The following NOTCH2 variants were observed in gnomAD, a reference collection of about 807,000 sequenced individuals.
The protein encoded by NOTCH2 is neurogenic locus notch homolog protein 2.
NOTCH2 carries 29 observed loss-of-function variants against 235.8 expected under a neutral mutation model. That is an observed-to-expected ratio of 0.12 (90% CI 0.09 to 0.17). The LOEUF (loss-of-function observed/expected upper bound fraction) is 0.17, where lower values mean the gene tolerates loss of function less well. Ranked by LOEUF, NOTCH2 falls within the 10% of genes least tolerant of loss-of-function variation. The probability of loss-of-function intolerance (pLI) is 1.00; values close to 1 mark genes in which losing one functional copy is unlikely to be tolerated. For synonymous variants in NOTCH2, 1,086 were observed against 1,141.5 expected (o/e 0.95, Z 0.98); for missense variants, 2,285 against 3,150.2 (o/e 0.73, Z 6.57).
chr1:119,986,924 T>C (rs782502820), intron 5 of NOTCH2, 36 bp downstream of exon 5: 3 of 1,613,110 alleles, frequency 1.9e-6, no homozygotes, highest in Non-Finnish European at 2.5e-6. Context: ...TACCAATCCA[T>C]ATCCCATTCT....
At chr1:119,985,136 T>G (rs915773386) in intron 5 of NOTCH2, among the ~76,000 whole-genome samples, 6 of 152,070 alleles carry the variant, frequency 3.9e-5, no homozygotes, top group African/African-American at 1.2e-4. Flanking sequence ...AGGCTTCATA[T>G]AACAGAAGAA....
chr1:119,973,270 G>A (rs1264586053), intron 5 of NOTCH2, among the ~76,000 whole-genome samples: 1 of 152,040 alleles, frequency 6.6e-6, no homozygotes, highest in African/African-American at 2.4e-5. Context: ...TCTATCAACT[G>A]GTTCTAAAAT....
chr1:119,999,956 A>C (rs1233676835), intron 3 of NOTCH2, among the ~76,000 whole-genome samples: 1 of 134,522 alleles, frequency 7.4e-6, no homozygotes, highest in Non-Finnish European at 1.5e-5. Context: ...AGAAAGAAAG[A>C]AAGAAAGAAA....
intron 3 of NOTCH2, among the ~76,000 whole-genome samples, chr1:120,001,514 G>A (rs1436408734): frequency 6.6e-6 from 1 of 152,146 alleles, no homozygotes; most frequent in Admixed American, 6.5e-5. Context: ...AAGCTGACCT[G>A]GCTACTGCCA....
intron 13 of NOTCH2, 96 bp from the exon 14 acceptor site, chr1:119,953,784 G>T: frequency 9.4e-7 from 1 of 1,062,778 alleles, no homozygotes; most frequent in African/African-American, 1.6e-5. Flanking sequence ...GGGGTAAACT[G>T]ATCTCATTTC....
chr1:119,997,973 CAA>C (rs4020948), intron 3 of NOTCH2, among the ~76,000 whole-genome samples: 2,498 of 116,784 alleles, frequency 0.021, no homozygotes, highest in East Asian at 0.12. Flanking sequence ...GACTCTATTT[CAA>C]AAAAAAAAAA....
At chr1:119,948,309 T>C (rs896663629) in intron 17 of NOTCH2, 105 bp downstream of exon 17, 33 of 1,176,398 alleles carry the variant, frequency 2.8e-5, no homozygotes, top group Non-Finnish European at 3.6e-5. Context: ...ATGACCGGTA[T>C]GCCCAATGTC....
chr1:119,965,253 A>G, intron 10 of NOTCH2, among the ~76,000 whole-genome samples, 200 bp downstream of exon 10: 1 of 152,256 alleles, frequency 6.6e-6, no homozygotes, highest in African/African-American at 2.4e-5. Flanking sequence ...TATCTGGGCC[A>G]GACCACTGTT....
At chr1:119,929,473 G>A (rs1159723529) in intron 22 of NOTCH2, among the ~76,000 whole-genome samples, 1 of 152,174 alleles carries the variant, frequency 6.6e-6, no homozygotes, top group Non-Finnish European at 1.5e-5. Context: ...AGCACCCTAT[G>A]GTGTAGGTCC....
intron 1 of NOTCH2, among the ~76,000 whole-genome samples, chr1:120,063,572 T>C (rs587739572): frequency 6.6e-6 from 1 of 152,206 alleles, no homozygotes; most frequent in East Asian, 1.9e-4. Flanking sequence ...ACTAACCTTA[T>C]ACCATAGCAG....
At position 119,940,621 on chromosome 1, in the gene NOTCH2, C is replaced by A. The variant is rs36084504; in HGVS notation, c.3117G>T (p.Thr1039=). The change falls in exon 19 of 34, where the codon ACG becomes ACT. Residue 1039 remains threonine (T), a synonymous_variant. Transcript: ENST00000256646. ...GGTAGGTACCCAGGCCATCAACACA[C>A]GTTCCCTCATTCAGGCATGGATGAG... ...CSSHPCLNEG[T]CVDGLGTYRC... 1 of 1,614,052 alleles carries A rather than the reference C, an allele frequency of 6.2e-7. No individual in the cohort carries two copies. Among genetic ancestry groups the A allele is most frequent in the Non-Finnish European group, 8.5e-7 (1 of 1,179,950 alleles).
chr1:119,959,433 C>G lies in NOTCH2; in HGVS notation c.1985G>C (p.Gly662Ala). ...GCAGACACAACTGTAGCGATTAATG[C>G]CATCCATACAGATTCCATGGATACA... ...NPCIHGICMD[G>A]INRYSCVCSP... Residue 662 changes from glycine to alanine, a missense_variant, in exon 12 of 34, where the codon GGC (glycine) becomes GCC (alanine). By Grantham distance (60) the Gly-to-Ala change is moderately conservative. Around this residue, in one of 6 missense-constraint regions of NOTCH2, gnomAD observed 431 missense variants for 757.8 expected, o/e 0.57. Transcript: ENST00000256646. The G allele has an allele frequency of 9.3e-6, 15 of 1,611,320 alleles. No individual in the cohort carries two copies. The highest frequency in any genetic ancestry group is 1.3e-5 in the Non-Finnish European group (15 of 1,177,454).
chr1:119,925,879 T>G (rs1048009945), intron 24 of NOTCH2, 69 bp from the exon 25 acceptor site: 25 of 1,572,780 alleles, frequency 1.6e-5, no homozygotes, highest in Middle Eastern at 1.7e-4. Flanking sequence ...GTTTGAGGTT[T>G]CTAGAAAACC....
rs766624616 is a variant in NOTCH2 at position 119,915,706 on chromosome 1, A to G, written c.7016T>C (p.Met2339Thr). The G allele has an allele frequency of 4.3e-6, 7 of 1,610,938 alleles. No individual in the cohort carries two copies. The Admixed American group carries it at 1.2e-4, about 27-fold the overall frequency. The change falls in exon 34 of 34, where the codon ATG becomes ACG. Residue 2339 changes from methionine (M) to threonine (T), a missense_variant. This residue lies in a region of NOTCH2 where 504 missense variants were observed against 538.0 expected (regional missense o/e 0.94). Transcript: ENST00000256646. Reference protein sequence around the residue: ...PPAVAGPLPTMYQIPEMARLP... With the variant: ...PPAVAGPLPTTYQIPEMARLP... ...ACGGGCCATTTCTGGAATCTGGTAC[A>G]TGGTGGGCAGGGGGCCCGCAACAGC...
chr1:120,029,590 T>G (rs1654014124), intron 2 of NOTCH2, among the ~76,000 whole-genome samples: 1 of 152,116 alleles, frequency 6.6e-6, no homozygotes, highest in African/African-American at 2.4e-5. Flanking sequence ...ACCTCGTGAT[T>G]CGCCCAACAC....
At chr1:119,986,867 C>T (rs1185122344) in intron 5 of NOTCH2, 93 bp downstream of exon 5, 59 of 1,548,758 alleles carry the variant, frequency 3.8e-5, no homozygotes, top group Non-Finnish European at 4.9e-5. Flanking sequence ...CAGAGCAGGC[C>T]TAAGATATTT....
chr1:119,979,086 T>C (rs587663452), intron 5 of NOTCH2, among the ~76,000 whole-genome samples: 6 of 152,218 alleles, frequency 3.9e-5, no homozygotes, highest in African/African-American at 1.4e-4. Context: ...AAAAATAATA[T>C]AGGACATTAG....
intron 2 of NOTCH2, among the ~76,000 whole-genome samples, chr1:120,010,771 C>A (rs587680587): frequency 2.7e-3 from 417 of 152,286 alleles, no homozygotes; most frequent in African/African-American, 9.0e-3. Flanking sequence ...TTCTGCCTCC[C>A]TTCCTAGGTA....
chr1:119,996,834 A>C, intron 4 of NOTCH2, 163 bp downstream of exon 4: 1 of 791,274 alleles, frequency 1.3e-6, no homozygotes, highest in Non-Finnish European at 2.2e-6. Flanking sequence ...TTTATGGACC[A>C]CAGTGGGCCC....
Sources: gnomAD v4.1 joint callset for allele counts (sites outside exome capture counted in the v4.1 genomes callset) on GRCh38, gnomAD v4.1.1 for gene constraint, gnomAD v4.1.1 regional missense constraint, MANE v1.5 for transcripts, NCBI Gene and HGNC (gene_info 2026-07-23, HGNC 2026-07-21) for gene names.